Variants in TRIQK observed in about 807,000 individuals in gnomAD.
TRIQK encodes triple QxxK/R motif-containing protein.
A neutral mutation model predicts 10.8 loss-of-function variants in TRIQK; 10 were observed. The ratio of observed to expected loss-of-function variants is 0.92; its 90% CI spans 0.57 to 1.57. The LOEUF (loss-of-function observed/expected upper bound fraction) is 1.57, where lower values mean the gene tolerates loss of function less well. TRIQK is among the 40% of genes most tolerant of loss of function. The probability of loss-of-function intolerance (pLI) is 0.00; values close to 1 mark genes in which losing one functional copy is unlikely to be tolerated. For missense variants in TRIQK, 107 were observed against 97.7 expected (o/e 1.09, Z -0.40); for synonymous variants, 33 against 33.7 (o/e 0.98, Z 0.07).
chr8:92,919,111 T>A (rs1215163886), intron 2 of TRIQK, among the ~76,000 whole-genome samples: 1 of 151,948 alleles, frequency 6.6e-6, no homozygotes, highest in Non-Finnish European at 1.5e-5. Context: ...TACCCAATTG[T>A]TTCGTTACTA....
chr8:92,911,834 T>C (rs965310230), intron 3 of TRIQK, among the ~76,000 whole-genome samples: 7 of 149,874 alleles, frequency 4.7e-5, no homozygotes, highest in Non-Finnish European at 8.9e-5. Flanking sequence ...TATGTATATA[T>C]ACATATCTAC....
At chr8:92,947,976 C>G (rs746226187) in intron 2 of TRIQK, among the ~76,000 whole-genome samples, 4 of 152,130 alleles carry the variant, frequency 2.6e-5, no homozygotes, top group Non-Finnish European at 5.9e-5. Flanking sequence ...TGAAAGGCAA[C>G]TGAAACAAAT....
At chr8:92,929,764 T>A (rs1216873897) in intron 2 of TRIQK, among the ~76,000 whole-genome samples, 2 of 152,144 alleles carry the variant, frequency 1.3e-5, no homozygotes, top group Non-Finnish European at 2.9e-5. Context: ...AAATAGCAAT[T>A]TTTTCAAGTA....
At chr8:92,930,864 T>G (rs1373238308) in intron 2 of TRIQK, among the ~76,000 whole-genome samples, 1 of 152,150 alleles carries the variant, frequency 6.6e-6, no homozygotes, top group East Asian at 1.9e-4. Flanking sequence ...AAAACTTTAT[T>G]TCATCCAGCT....
chr8:92,938,912 A>G lies in TRIQK; in HGVS notation c.-22+15494T>C, dbSNP rs988584786. On this transcript the variant is annotated intron_variant, in intron 2 of 4. Coordinates refer to ENST00000521988, the MANE Select transcript of TRIQK (RefSeq NM_001171797.2). ...GGTTTTTCTTTAAATATTTAAAAATATAATAACTGATTACATTTTTTGCTG... is the reference window on the plus strand; with the variant it reads ...GGTTTTTCTTTAAATATTTAAAAATGTAATAACTGATTACATTTTTTGCTG... Among the ~76,000 whole-genome samples the G allele has an allele frequency of 2.0e-5, 3 of 152,204 alleles. No homozygotes were observed. In the East Asian group the frequency reaches 5.8e-4, roughly 29 times the overall value.
chr8:92,914,143 C>T (rs1809711775), intron 3 of TRIQK, among the ~76,000 whole-genome samples: 1 of 152,068 alleles, frequency 6.6e-6, no homozygotes, highest in Non-Finnish European at 1.5e-5. Flanking sequence ...AGCACCATTT[C>T]ATGATAAAAA....
chr8:92,907,126 A>C (rs1455400271), intron 3 of TRIQK, among the ~76,000 whole-genome samples: 1 of 152,166 alleles, frequency 6.6e-6, no homozygotes, highest in Non-Finnish European at 1.5e-5. Flanking sequence ...TTTTGTAGGG[A>C]TTGACATAAG....
intron 3 of TRIQK, among the ~76,000 whole-genome samples, chr8:92,896,908 C>T (rs1808633449): frequency 6.6e-6 from 1 of 151,850 alleles, no homozygotes; most frequent in Admixed American, 6.6e-5. Context: ...CCTCTGCCTC[C>T]CAGGTTCAAG....
chr8:93,011,954 G>A (rs145247234), intron 1 of TRIQK, among the ~76,000 whole-genome samples: 1 of 152,278 alleles, frequency 6.6e-6, no homozygotes, highest in East Asian at 1.9e-4. Context: ...GATGTTGAGA[G>A]TACAAGATAC....
chr8:92,961,821 AAAT>A (rs1378289930), intron 1 of TRIQK, among the ~76,000 whole-genome samples: 3 of 152,202 alleles, frequency 2.0e-5, no homozygotes, highest in Admixed American at 2.0e-4. Flanking sequence ...CTACGTCACT[AAAT>A]AATACTACTA....
intron 3 of TRIQK, among the ~76,000 whole-genome samples, chr8:92,914,853 C>A (rs1179334816): frequency 6.6e-6 from 1 of 152,078 alleles, no homozygotes; most frequent in Non-Finnish European, 1.5e-5. Flanking sequence ...TATGACCCAG[C>A]AATCTCTCTC....
chr8:92,949,839 AAAGG>A lies in TRIQK; in HGVS notation c.-22+4563_-22+4566del, dbSNP rs1173409471. On this transcript the variant is annotated intron_variant, in intron 2 of 4. Coordinates refer to ENST00000521988, the MANE Select transcript of TRIQK (RefSeq NM_001171797.2). ...GAAAGAAAGAAAGAAAGAAAGAAAG[AAAGG>A]GAGAGAAAAGAAAAGAGAAAGGAAG... Among the ~76,000 whole-genome samples, 8 of 128,842 alleles carry A rather than the reference AAAGG, an allele frequency of 6.2e-5. No homozygotes were observed. The East Asian group carries it at 1.0e-3, about 16-fold the overall frequency. The allele number at this position is 128,842 out of a possible 152,430, so 84.5% of individuals were successfully genotyped here.
chr8:92,975,769 T>C (rs968652103), intron 1 of TRIQK, among the ~76,000 whole-genome samples: 15 of 152,002 alleles, frequency 9.9e-5, no homozygotes, highest in Admixed American at 9.2e-4. Flanking sequence ...AAGCCATTGA[T>C]TAGAGTATTT....
chr8:93,011,464 T>C (rs1020207468), intron 1 of TRIQK, among the ~76,000 whole-genome samples: 5 of 152,118 alleles, frequency 3.3e-5, no homozygotes, highest in African/African-American at 9.7e-5. Context: ...GTGGTGGTTA[T>C]AGGTAGTATT....
chr8:92,994,039 C>T (rs1490792248), intron 1 of TRIQK, among the ~76,000 whole-genome samples: 3 of 152,108 alleles, frequency 2.0e-5, no homozygotes, highest in Non-Finnish European at 4.4e-5. Flanking sequence ...TCCTGTTTCT[C>T]CTTGTGTGGA....
chr8:92,891,151 T>A (rs1196397227), intron 4 of TRIQK, among the ~76,000 whole-genome samples: 6 of 151,862 alleles, frequency 4.0e-5, no homozygotes, highest in Non-Finnish European at 8.8e-5. Flanking sequence ...CAACCAAATA[T>A]ATCATCTGGC....
chr8:92,948,569 T>C (rs1811672860), intron 2 of TRIQK, among the ~76,000 whole-genome samples: 3 of 152,238 alleles, frequency 2.0e-5, no homozygotes, highest in African/African-American at 7.2e-5. Context: ...ACCTATCAGC[T>C]AGTTTAAAAT....
intron 1 of TRIQK, 120 bp from the exon 2 acceptor site, chr8:92,954,684 C>A (rs769896931): frequency 6.6e-6 from 1 of 151,918 alleles, no homozygotes; most frequent in African/African-American, 2.4e-5. Context: ...TTTGCTAACT[C>A]TGTTATTTAT....
rs370906971 is a variant in TRIQK, at chr8:92,937,175, A to G, written c.-22+17231T>C. Among the ~76,000 whole-genome samples, 14 of 152,056 alleles carry G rather than the reference A, an allele frequency of 9.2e-5. No individual in the cohort carries two copies. In the East Asian group the frequency reaches 1.9e-3, roughly 21 times the overall value. On this transcript the variant is annotated intron_variant, in intron 2 of 4. Coordinates refer to ENST00000521988, the MANE Select transcript of TRIQK (RefSeq NM_001171797.2). ...CTCTGTATGTCTACATAATTTATTC[A>G]TAAGTGAAATATAAAGCAGTTAAAA...
Sources: allele counts gnomAD v4.1 joint callset (sites outside exome capture counted in the v4.1 genomes callset), GRCh38; gene constraint gnomAD v4.1.1; transcripts MANE v1.5; gene names NCBI Gene and HGNC (gene_info 2026-07-23, HGNC 2026-07-21).